The following LHFPL3 variants were observed in gnomAD, a reference collection of about 807,000 sequenced individuals.
LHFPL3 encodes the protein LHFPL tetraspan subfamily member 3, also known as LHFPL tetraspan subfamily member 3 protein.
LHFPL3 carries 5 observed loss-of-function variants against 19.3 expected under a neutral mutation model. The observed-to-expected ratio is 0.26, with a 90% CI of 0.14 to 0.54. The LOEUF is 0.54. LHFPL3 is among the 20% of genes least tolerant of loss of function. The pLI is 0.94. For missense variants in LHFPL3, 249 were observed against 307.4 expected (o/e 0.81, Z 1.42); for synonymous variants, 133 against 126.2 (o/e 1.05, Z -0.36).
chr7:104,877,470 C>G (rs185735237), intron 2 of LHFPL3, among the ~76,000 whole-genome samples: 1 of 152,032 alleles, frequency 6.6e-6, no homozygotes, highest in East Asian at 1.9e-4. Context: ...AGACATTTCC[C>G]CAAATGATAT....
At chr7:104,528,117 A>G (rs981967295) in intron 1 of LHFPL3, among the ~76,000 whole-genome samples, 10 of 152,190 alleles carry the variant, frequency 6.6e-5, no homozygotes, top group African/African-American at 2.4e-4. Flanking sequence ...ACCCTGTGAT[A>G]CATTTTCCAC....
At chr7:104,621,945 C>A (rs1791453126) in intron 1 of LHFPL3, among the ~76,000 whole-genome samples, 1 of 152,110 alleles carries the variant, frequency 6.6e-6, no homozygotes, top group South Asian at 2.1e-4. Context: ...CTTCCACCTA[C>A]CAAAAAACAT....
chr7:104,767,261 G>T (rs1794470831), intron 2 of LHFPL3, among the ~76,000 whole-genome samples: 1 of 152,216 alleles, frequency 6.6e-6, no homozygotes. Context: ...AGATGGAGCT[G>T]AGAGAGGCCA....
chr7:104,341,086 A>G (rs1344873339), intron 1 of LHFPL3, among the ~76,000 whole-genome samples: 2 of 152,222 alleles, frequency 1.3e-5, no homozygotes, highest in Non-Finnish European at 2.9e-5. Flanking sequence ...ATCTCTAATA[A>G]CATCAGGAAC....
chr7:104,668,810 G>T, intron 1 of LHFPL3: 1 of 1,610,746 alleles, frequency 6.2e-7, no homozygotes, highest in Non-Finnish European at 8.5e-7. Flanking sequence ...GTCCACTCGA[G>T]CTGCTTCTAT....
chr7:104,336,586 C>G (rs1789814695), intron 1 of LHFPL3, among the ~76,000 whole-genome samples: 1 of 151,578 alleles, frequency 6.6e-6, no homozygotes. Flanking sequence ...CCATATCTGA[C>G]TACTATTGGC....
intron 2 of LHFPL3, among the ~76,000 whole-genome samples, chr7:104,852,049 C>T (rs1262741596): frequency 6.6e-6 from 1 of 151,894 alleles, no homozygotes; most frequent in African/African-American, 2.4e-5. Flanking sequence ...TTTCCCTCTC[C>T]CTCTCATTTT....
At chr7:104,829,901 A>G (rs976528282) in intron 2 of LHFPL3, among the ~76,000 whole-genome samples, 1,538 of 152,042 alleles carry the variant, frequency 0.01, 15 homozygotes, top group Non-Finnish European at 0.015. Context: ...CTGAGGAATC[A>G]CCACACTGAC....
intron 2 of LHFPL3, among the ~76,000 whole-genome samples, chr7:104,829,830 C>A (rs1057470885): frequency 3.9e-5 from 6 of 151,936 alleles, no homozygotes; most frequent in Non-Finnish European, 5.9e-5. Context: ...ATTTATAATC[C>A]TTTGGGTATA....
At chr7:104,801,093 G>T (rs1334147753) in intron 2 of LHFPL3, among the ~76,000 whole-genome samples, 2 of 152,212 alleles carry the variant, frequency 1.3e-5, no homozygotes, top group Non-Finnish European at 2.9e-5. Context: ...TATCCCAAGG[G>T]GGAACAGAGA....
chr7:104,590,204 T>C (rs1790680048), intron 1 of LHFPL3, among the ~76,000 whole-genome samples: 1 of 152,168 alleles, frequency 6.6e-6, no homozygotes, highest in Non-Finnish European at 1.5e-5. Context: ...ATTGTGATGT[T>C]AGGGTGTCAA....
At position 104,603,115 on chromosome 7, in the gene LHFPL3, TTTCTTTCTTTCTTTC is replaced by T. The variant is rs1269032492; in HGVS notation, c.446-133557_446-133543del. 2.2e-5 allele frequency among the ~76,000 whole-genome samples: 3 copies of T among 135,188 alleles called. No homozygotes were observed. The East Asian group carries it at 6.3e-4, about 28-fold the overall frequency. The allele number at this position is 135,188 out of a possible 152,430, so 88.7% of individuals were successfully genotyped here. ...CTTTCTTTCTTTCTTTCTTTCTTTC[TTTCTTTCTTTCTTTC>T]TTTTTTCCCTTCCTTCCTTCCTTCC... On this transcript the variant is annotated intron_variant, in intron 1 of 2. Coordinates refer to ENST00000424859, the MANE Select transcript of LHFPL3 (RefSeq NM_199000.3).
chr7:104,675,477 G>A (rs1792572341), intron 1 of LHFPL3, among the ~76,000 whole-genome samples: 1 of 152,138 alleles, frequency 6.6e-6, no homozygotes, highest in Non-Finnish European at 1.5e-5. Context: ...GGAGAAGAGT[G>A]GAATAATGTG....
At chr7:104,660,613 A>G (rs1792208456) in intron 1 of LHFPL3, among the ~76,000 whole-genome samples, 2 of 152,164 alleles carry the variant, frequency 1.3e-5, no homozygotes, top group Non-Finnish European at 2.9e-5. Flanking sequence ...TGAGCTTTCT[A>G]TTTACCTTCT....
intron 1 of LHFPL3, among the ~76,000 whole-genome samples, chr7:104,506,966 G>A (rs1016305719): frequency 6.6e-6 from 1 of 152,158 alleles, no homozygotes; most frequent in African/African-American, 2.4e-5. Flanking sequence ...TTCTATTGGA[G>A]ACCACAGATA....
chr7:104,397,896 CAT>C (rs1791224404), intron 1 of LHFPL3, among the ~76,000 whole-genome samples: 1 of 152,176 alleles, frequency 6.6e-6, no homozygotes, highest in South Asian at 2.1e-4. Flanking sequence ...CCTATGGACA[CAT>C]AGTTTACCTT....
At chr7:104,484,355 A>G (rs1377442596) in intron 1 of LHFPL3, among the ~76,000 whole-genome samples, 1 of 152,112 alleles carries the variant, frequency 6.6e-6, no homozygotes, top group Non-Finnish European at 1.5e-5. Flanking sequence ...AACACCTTCC[A>G]TCCCCTTTCC....
At chr7:104,415,158 T>A (rs2116520239) in intron 1 of LHFPL3, among the ~76,000 whole-genome samples, 2 of 152,310 alleles carry the variant, frequency 1.3e-5, no homozygotes, top group South Asian at 4.1e-4. Flanking sequence ...TTCTTAATCC[T>A]ATATCAAGGA....
chr7:104,863,414 G>T (rs1242416159), intron 2 of LHFPL3, among the ~76,000 whole-genome samples: 1 of 152,104 alleles, frequency 6.6e-6, no homozygotes, highest in African/African-American at 2.4e-5. Flanking sequence ...AAGCCTCTGG[G>T]TTTTTTTCCC....
Sources: allele counts gnomAD v4.1 joint callset (sites outside exome capture counted in the v4.1 genomes callset), GRCh38; gene constraint gnomAD v4.1.1; transcripts MANE v1.5; gene names NCBI Gene and HGNC (gene_info 2026-07-23, HGNC 2026-07-21).